MBOAT2: variants seen among roughly 807,000 people sequenced by gnomAD.
The protein encoded by MBOAT2 is membrane-bound glycerophospholipid O-acyltransferase 2.
MBOAT2 carries 28 observed loss-of-function variants against 63.4 expected under a neutral mutation model. The observed-to-expected ratio is 0.44, with a 90% CI of 0.33 to 0.61. The LOEUF (loss-of-function observed/expected upper bound fraction) is 0.61, where lower values mean the gene tolerates loss of function less well. Ranked by LOEUF, MBOAT2 falls within the 20% of genes least tolerant of loss-of-function variation. The pLI, the probability that MBOAT2 is intolerant of heterozygous loss-of-function variation, is 0.03. For missense variants in MBOAT2, 470 were observed against 605.8 expected (o/e 0.78, Z 2.35); for synonymous variants, 211 against 215.6 (o/e 0.98, Z 0.19).
intron 9 of MBOAT2, among the ~76,000 whole-genome samples, chr2:8,867,563 T>C (rs1466692827): frequency 3.3e-5 from 5 of 152,206 alleles, no homozygotes; most frequent in African/African-American, 7.2e-5. Flanking sequence ...TTCAAACTCA[T>C]ATCTATTCTC....
chr2:8,862,616 C>G lies in MBOAT2; in HGVS notation c.1159G>C (p.Val387Leu), dbSNP rs371168348. The change falls in exon 11 of 13, where the codon GTG becomes CTG. Residue 387 changes from valine to leucine, a missense_variant. Coordinates refer to ENST00000305997, the MANE Select transcript of MBOAT2 (RefSeq NM_138799.4). This position sits in a 1 kb window ranked among gnomAD's most constrained non-coding sequence, Gnocchi z 4.3. Reference protein sequence around the residue: ...PGYYLTFLTGVLMTLAARAMR... With the variant: ...PGYYLTFLTGLLMTLAARAMR... ...GCTCTTGCTGCTAATGTCATTAACA[C>G]CCCTGTTAGAAACGTTAGATAATAT... is the stretch of plus-strand genomic sequence containing the variant. 2.5e-6 allele frequency: 4 copies of G among 1,612,380 alleles called. No homozygotes were observed. In the Admixed American group the frequency reaches 6.7e-5, roughly 27 times the overall value.
chr2:8,919,574 T>G (rs1666426641), intron 3 of MBOAT2, among the ~76,000 whole-genome samples: 2 of 152,198 alleles, frequency 1.3e-5, no homozygotes, highest in Admixed American at 1.3e-4. Context: ...TTGGGTTGTC[T>G]TCTTAGTATT....
chr2:8,860,496 C>T (rs1045230353), intron 12 of MBOAT2, 117 bp downstream of exon 12: 7 of 991,250 alleles, frequency 7.1e-6, no homozygotes, highest in Middle Eastern at 2.4e-4. Flanking sequence ...ACTGATAATG[C>T]ATTTATCAGC....
At chr2:8,954,865 GA>G (rs1180820629) in intron 2 of MBOAT2, among the ~76,000 whole-genome samples, 1 of 152,206 alleles carries the variant, frequency 6.6e-6, no homozygotes, top group African/African-American at 2.4e-5. Context: ...TTCTGCCTGG[GA>G]GTGGAGCAGA....
chr2:8,931,082 G>T (rs1465122424), intron 3 of MBOAT2, among the ~76,000 whole-genome samples: 1 of 150,958 alleles, frequency 6.6e-6, no homozygotes, highest in Admixed American at 6.6e-5. Context: ...GGTATTTCTG[G>T]TTCTAGATCT....
intron 8 of MBOAT2, among the ~76,000 whole-genome samples, chr2:8,872,815 T>C (rs926591749): frequency 6.6e-6 from 1 of 152,262 alleles, no homozygotes; most frequent in Non-Finnish European, 1.5e-5. Flanking sequence ...CTATGTCTTA[T>C]ACATACTCGT....
intron 3 of MBOAT2, among the ~76,000 whole-genome samples, chr2:8,914,164 GGGA>G (rs1665982386): frequency 6.6e-6 from 1 of 152,280 alleles, no homozygotes; most frequent in East Asian, 1.9e-4. Flanking sequence ...CTGGGGACTT[GGGA>G]GGAAGAGTGG....
rs764306370 is a variant in MBOAT2 at position 8,868,486 on chromosome 2, C to A, written c.947G>T (p.Arg316Leu). The A allele has an allele frequency of 5.1e-5, 82 of 1,613,850 alleles. No homozygotes were observed. Among genetic ancestry groups the A allele is most frequent in the Non-Finnish European group, 6.4e-5 (76 of 1,179,938 alleles). ...FRGYDENGAARWDLISNLRIQ... is the reference protein window; with the variant it reads ...FRGYDENGAALWDLISNLRIQ... Reference sequence around the variant, plus strand: ...TCTCAAATTGGAAATTAAGTCCCAGCGAGCTGCTCCATTTTCGTCATACCC... The same window carrying A: ...TCTCAAATTGGAAATTAAGTCCCAGAGAGCTGCTCCATTTTCGTCATACCC... Residue 316 changes from arginine (R) to leucine (L), a missense_variant, in exon 9 of 13, where the codon CGC (arginine) becomes CTC (leucine). Around this residue, in one of 3 missense-constraint regions of MBOAT2, gnomAD observed 376 missense variants for 503.8 expected, o/e 0.75. Coordinates refer to ENST00000305997, the MANE Select transcript of MBOAT2 (RefSeq NM_138799.4).
At chr2:8,978,714 C>T (rs1303720028) in intron 1 of MBOAT2, among the ~76,000 whole-genome samples, 4 of 151,950 alleles carry the variant, frequency 2.6e-5, no homozygotes, top group African/African-American at 7.3e-5. Context: ...GCTAATGCAT[C>T]GGAGCCTAAA....
intron 3 of MBOAT2, among the ~76,000 whole-genome samples, chr2:8,942,708 C>T (rs914091087): frequency 6.6e-6 from 1 of 152,198 alleles, no homozygotes; most frequent in Admixed American, 6.5e-5. Flanking sequence ...GCTGGAAACA[C>T]GGAAGTCATC....
chr2:8,975,665 G>GT (rs1315528111), intron 1 of MBOAT2, among the ~76,000 whole-genome samples: 1 of 151,934 alleles, frequency 6.6e-6, no homozygotes, highest in African/African-American at 2.4e-5. Flanking sequence ...TACATGAAGC[G>GT]TAAGGACACA....
In MBOAT2 at chr2:8,858,496, A is replaced by T; in HGVS notation, c.*183T>A. 1.8e-6 allele frequency: 1 copy of T among 546,988 alleles called. No homozygotes were observed. The highest frequency in any genetic ancestry group is 3.2e-6 in the Non-Finnish European group (1 of 310,946). 33.9% of individuals were successfully genotyped at this position (546,988 alleles called of 1,614,324 possible). On this transcript the variant is annotated 3_prime_UTR_variant, in exon 13 of 13. Transcript: ENST00000305997. Reference sequence around the variant, plus strand: ...CTTACATAAGGCGTGGCCCACGGAGACATGGCATGGGAGGGCTTGTTTCAC... The same window carrying T: ...CTTACATAAGGCGTGGCCCACGGAGTCATGGCATGGGAGGGCTTGTTTCAC...
At chr2:8,943,148 T>C in intron 3 of MBOAT2, 39 bp downstream of exon 3, 1 of 1,201,600 alleles carries the variant, frequency 8.3e-7, no homozygotes, top group Non-Finnish European at 1.2e-6. Context: ...TCTATTCAAG[T>C]GAAATATATA....
intron 1 of MBOAT2, among the ~76,000 whole-genome samples, chr2:8,994,837 C>T (rs1672162189): frequency 6.6e-6 from 1 of 152,084 alleles, no homozygotes; most frequent in South Asian, 2.1e-4. Flanking sequence ...TCTGCCAAGC[C>T]AAAAAGTGTA....
intron 1 of MBOAT2, among the ~76,000 whole-genome samples, chr2:8,961,644 C>T (rs1669610125): frequency 6.6e-6 from 1 of 152,054 alleles, no homozygotes; most frequent in Non-Finnish European, 1.5e-5. Context: ...CCTAGATTAT[C>T]CAATTAATGT....
chr2:8,882,692 G>A (rs1345261524), intron 5 of MBOAT2, 127 bp from the exon 6 acceptor site: 7 of 816,976 alleles, frequency 8.6e-6, no homozygotes, highest in Non-Finnish European at 1.0e-5. Context: ...TTGATATAAT[G>A]ACTGTTCCTT....
At chr2:8,968,155 T>C (rs949624745) in intron 1 of MBOAT2, among the ~76,000 whole-genome samples, 3 of 151,378 alleles carry the variant, frequency 2.0e-5, no homozygotes, top group Middle Eastern at 3.2e-3. Context: ...ACACCTCACA[T>C]GGCCAGGTAT....
At chr2:8,866,978 C>A (rs1199834993) in intron 9 of MBOAT2, among the ~76,000 whole-genome samples, 1 of 152,184 alleles carries the variant, frequency 6.6e-6, no homozygotes, top group African/African-American at 2.4e-5. Context: ...TCCAGCTTGG[C>A]CTCTTCACCT....
rs756149898 is a variant in MBOAT2, at chr2:8,877,257, TC to T, written c.507-45del. ...CAACCAGTGAGATGCAGCATAAGCTTCAGAACATCTGATAGAATAACGATCC... is the reference window on the plus strand; with the variant it reads ...CAACCAGTGAGATGCAGCATAAGCTTAGAACATCTGATAGAATAACGATCC... On this transcript the variant is annotated intron_variant, in intron 6 of 12. Transcript: ENST00000305997. The T allele has an allele frequency of 5.8e-6, 9 of 1,548,326 alleles. No homozygotes were observed. The South Asian group carries it at 1.1e-4, about 19-fold the overall frequency.
Sources: gnomAD v4.1 joint callset for allele counts (sites outside exome capture counted in the v4.1 genomes callset) on GRCh38, gnomAD v4.1.1 for gene constraint, gnomAD v4.1.1 regional missense constraint, Gnocchi (gnomAD v3.1) non-coding constraint, MANE v1.5 for transcripts, NCBI Gene and HGNC (gene_info 2026-07-23, HGNC 2026-07-21) for gene names.